CAMTA1: variants seen among roughly 807,000 people sequenced by gnomAD.
CAMTA1 encodes calmodulin-binding transcription activator 1.
CAMTA1 carries 27 observed loss-of-function variants against 170.9 expected under a neutral mutation model. The ratio of observed to expected loss-of-function variants is 0.16; its 90% CI spans 0.12 to 0.22. The LOEUF is 0.22. CAMTA1 is among the 10% of genes least tolerant of loss of function. The pLI, the probability that CAMTA1 is intolerant of heterozygous loss-of-function variation, is 1.00. For missense variants in CAMTA1, 1,619 were observed against 2,217.2 expected (o/e 0.73, Z 5.42); for synonymous variants, 833 against 891.5 (o/e 0.93, Z 1.17).
At chr1:7,505,618 C>A (rs2478269) in intron 6 of CAMTA1, among the ~76,000 whole-genome samples, 43,444 of 152,064 alleles carry the variant, frequency 0.29, 6,481 homozygotes, top group Middle Eastern at 0.47. Flanking sequence ...GGTGTTCCTC[C>A]CATGGTCAGG....
At chr1:6,857,034 G>A (rs553847175) in intron 3 of CAMTA1, among the ~76,000 whole-genome samples, 1 of 152,318 alleles carries the variant, frequency 6.6e-6, no homozygotes, top group Admixed American at 6.5e-5. Flanking sequence ...AGGGTTGCCC[G>A]TGATAGAGGT....
At chr1:7,009,467 T>G (rs1699481217) in intron 3 of CAMTA1, among the ~76,000 whole-genome samples, 1 of 152,216 alleles carries the variant, frequency 6.6e-6, no homozygotes, top group Admixed American at 6.5e-5. Context: ...GCAGTGTCCC[T>G]GTCCGGCCCC....
chr1:6,873,628 G>A (rs1292354722), intron 3 of CAMTA1, among the ~76,000 whole-genome samples: 1 of 152,174 alleles, frequency 6.6e-6, no homozygotes, highest in African/African-American at 2.4e-5. Flanking sequence ...AAATTAATAG[G>A]TTAAGACGAG....
intron 6 of CAMTA1, among the ~76,000 whole-genome samples, chr1:7,605,540 G>A (rs201946270): frequency 9.2e-5 from 14 of 152,314 alleles, no homozygotes; most frequent in African/African-American, 3.4e-4. Flanking sequence ...GAAAAGTGCA[G>A]TATTAGGGTG....
intron 21 of CAMTA1, among the ~76,000 whole-genome samples, chr1:7,755,200 A>C (rs2096922789): frequency 6.6e-6 from 1 of 151,714 alleles, no homozygotes; most frequent in African/African-American, 2.4e-5. Flanking sequence ...GGTGGTACGC[A>C]CCTGTAATCC....
chr1:6,943,915 A>C (rs954588803), intron 3 of CAMTA1, among the ~76,000 whole-genome samples: 1 of 152,016 alleles, frequency 6.6e-6, no homozygotes, highest in Non-Finnish European at 1.5e-5. Context: ...TAAGTGTCCA[A>C]TTTAGTAGCA....
chr1:7,655,104 A>AAG (rs2095879530), intron 7 of CAMTA1, among the ~76,000 whole-genome samples: 2 of 8,056 alleles, frequency 2.5e-4, no homozygotes, highest in African/African-American at 2.6e-3. Context: ...ACACACACCT[A>AAG]TACACACACC....
intron 6 of CAMTA1, among the ~76,000 whole-genome samples, chr1:7,601,314 G>A (rs1423733757): frequency 2.6e-5 from 4 of 151,214 alleles, no homozygotes; most frequent in South Asian, 2.1e-4. Context: ...CGGTGCGGCC[G>A]GGCAGAGACG....
At chr1:7,449,291 C>T (rs911915347) in intron 5 of CAMTA1, among the ~76,000 whole-genome samples, 1 of 152,172 alleles carries the variant, frequency 6.6e-6, no homozygotes, top group Non-Finnish European at 1.5e-5. Context: ...GTGCGTGGGC[C>T]AAGCAACATT....
At chr1:7,385,339 G>A (rs12070335) in intron 5 of CAMTA1, among the ~76,000 whole-genome samples, 1,594 of 152,164 alleles carry the variant, frequency 0.01, 27 homozygotes, top group African/African-American at 0.032. Context: ...TGATTTTGCC[G>A]GTCAAACCAC....
chr1:6,931,426 G>A (rs963812617), intron 3 of CAMTA1, among the ~76,000 whole-genome samples: 3 of 152,116 alleles, frequency 2.0e-5, no homozygotes, highest in Admixed American at 1.3e-4. Flanking sequence ...TAAAAGTAGT[G>A]GTAATTATAG....
chr1:7,180,441 G>A (rs1434932922), intron 4 of CAMTA1, among the ~76,000 whole-genome samples: 1 of 148,668 alleles, frequency 6.7e-6, no homozygotes, highest in East Asian at 2.0e-4. Flanking sequence ...GAAGCTTAAA[G>A]CTTAAATAAA....
At chr1:7,663,273 G>GA in intron 8 of CAMTA1, 80 bp from the exon 9 acceptor site, 1 of 1,490,004 alleles carries the variant, frequency 6.7e-7, no homozygotes, top group South Asian at 1.4e-5. Context: ...TCCTAGCTCT[G>GA]ACTCTCTTTT....
chr1:7,403,638 G>A (rs986609929), intron 5 of CAMTA1, among the ~76,000 whole-genome samples: 34 of 152,136 alleles, frequency 2.2e-4, no homozygotes, highest in African/African-American at 6.3e-4. Flanking sequence ...TGGTGCTACC[G>A]GCAAAGGTGA....
chr1:6,792,550 C>T (rs1005152142), intron 1 of CAMTA1, among the ~76,000 whole-genome samples: 3 of 151,930 alleles, frequency 2.0e-5, no homozygotes, highest in African/African-American at 7.3e-5. Context: ...GGCCAAGGGT[C>T]AGCCACATTA....
At chr1:7,388,062 G>T (rs2088213301) in intron 5 of CAMTA1, 1 of 152,112 alleles carries the variant, frequency 6.6e-6, no homozygotes, top group South Asian at 2.1e-4. Context: ...AGGGCCTTGG[G>T]TTCCAATCTG....
chr1:6,964,047 G>T, intron 3 of CAMTA1, among the ~76,000 whole-genome samples: 1 of 152,014 alleles, frequency 6.6e-6, no homozygotes, highest in East Asian at 1.9e-4. Flanking sequence ...GAGTGCCTGG[G>T]TAGGATACAG....
intron 5 of CAMTA1, among the ~76,000 whole-genome samples, chr1:7,420,699 A>G (rs1028558139): frequency 1.7e-4 from 26 of 152,204 alleles, no homozygotes; most frequent in African/African-American, 6.0e-4. Context: ...AATATTAGCA[A>G]TGCCCTGAGC....
At chr1:6,816,302 A>G (rs988818406) in intron 1 of CAMTA1, among the ~76,000 whole-genome samples, 4 of 152,188 alleles carry the variant, frequency 2.6e-5, no homozygotes, top group African/African-American at 9.7e-5. Flanking sequence ...CCTATTGGAT[A>G]GTGTCCCATT....
Sources: gnomAD v4.1 joint callset for allele counts (sites outside exome capture counted in the v4.1 genomes callset) on GRCh38, gnomAD v4.1.1 for gene constraint, MANE v1.5 for transcripts, NCBI Gene and HGNC (gene_info 2026-07-23, HGNC 2026-07-21) for gene names.